Variants in BRWD3 observed in about 807,000 individuals in gnomAD.
BRWD3 encodes bromodomain and WD repeat-containing protein 3.
A neutral mutation model predicts 149.7 loss-of-function variants in BRWD3; 10 were observed. That is an observed-to-expected ratio of 0.07 (90% confidence interval 0.04 to 0.11). The LOEUF (loss-of-function observed/expected upper bound fraction) is 0.11, where lower values mean the gene tolerates loss of function less well. Ranked by LOEUF, BRWD3 falls within the 10% of genes least tolerant of loss-of-function variation. The pLI is 1.00. For synonymous variants in BRWD3, 504 were observed against 456.7 expected (o/e 1.10, Z -1.32); for missense variants, 940 against 1,373.2 (o/e 0.68, Z 4.99).
At chrX:80,745,257 A>T (rs946610797) in intron 7 of BRWD3, among the ~76,000 whole-genome samples, 2 of 111,766 alleles carry the variant, frequency 1.8e-5, no homozygotes, top group African/African-American at 6.5e-5. Flanking sequence ...CAAACATTTA[A>T]TAAATGTTTG....
chrX:80,677,262 C>T lies in BRWD3; in HGVS notation c.4756G>A (p.Gly1586Arg). ...TCTTTTTTCTCTTTATCTTCTCCTCCCATGTTTTCATCTTCTTCTGATGCA... is the reference window on the plus strand; with the variant it reads ...TCTTTTTTCTCTTTATCTTCTCCTCTCATGTTTTCATCTTCTTCTGATGCA... Reference protein sequence around the residue: ...LSASEEDENMGGEDKEKKETK... With the variant: ...LSASEEDENMRGEDKEKKETK... The change falls in exon 41 of 41, where the codon GGA becomes AGA. Residue 1586 changes from glycine to arginine, a missense_variant. Physicochemically the swap from Gly to Arg is moderately radical, Grantham distance 125. Transcript: ENST00000373275. The T allele has an allele frequency of 8.3e-7, 1 of 1,210,234 alleles. No individual in the cohort carries two copies. The highest frequency in any genetic ancestry group is 1.7e-5 in the African/African-American group (1 of 57,604).
At chrX:80,798,625 GA>G (rs200157039) in intron 4 of BRWD3, among the ~76,000 whole-genome samples, 13,425 of 100,082 alleles carry the variant, frequency 0.13, 749 homozygotes, top group South Asian at 0.42. Context: ...ATAATACGGG[GA>G]AAAAAAAAAA....
chrX:80,771,743 T>A (rs1292036657), intron 6 of BRWD3, among the ~76,000 whole-genome samples: 1 of 111,304 alleles, frequency 9.0e-6, no homozygotes, highest in African/African-American at 3.3e-5. Flanking sequence ...ATATCCAGAA[T>A]CAACAAAGAA....
At chrX:80,720,639 T>C (rs1294964250) in intron 17 of BRWD3, among the ~76,000 whole-genome samples, 2 of 111,600 alleles carry the variant, frequency 1.8e-5, no homozygotes, top group African/African-American at 6.5e-5. Context: ...AAGAAAAATA[T>C]TGTTTATATA....
chrX:80,774,139 C>T (rs1227612431), intron 6 of BRWD3, among the ~76,000 whole-genome samples: 1 of 112,010 alleles, frequency 8.9e-6, no homozygotes, highest in African/African-American at 3.2e-5. Context: ...TACAAGATAT[C>T]ATTTCTGATT....
intron 34 of BRWD3, among the ~76,000 whole-genome samples, chrX:80,687,610 C>T (rs751925765): frequency 1.8e-5 from 2 of 111,147 alleles, no homozygotes; most frequent in African/African-American, 6.5e-5. Flanking sequence ...ATTTGAATGG[C>T]TTCCTAAATT....
intron 20 of BRWD3, among the ~76,000 whole-genome samples, chrX:80,713,295 T>C (rs1041779102): frequency 5.4e-5 from 6 of 111,925 alleles, no homozygotes; most frequent in African/African-American, 2.0e-4. Flanking sequence ...GGTTGCTGTG[T>C]CTGTGTAGAA....
chrX:80,719,090 G>T, intron 18 of BRWD3, among the ~76,000 whole-genome samples: 1 of 109,564 alleles, frequency 9.1e-6, no homozygotes, highest in Admixed American at 9.8e-5. Context: ...AGAAGAGCAT[G>T]GTATTCTGCT....
chrX:80,682,867 T>G (rs1194008857), intron 37 of BRWD3, among the ~76,000 whole-genome samples: 1 of 111,739 alleles, frequency 8.9e-6, no homozygotes, highest in Non-Finnish European at 1.9e-5. Flanking sequence ...CAAGAGAGAA[T>G]GTAAACTGAA....
chrX:80,777,555 G>C (rs1436750235), intron 6 of BRWD3, among the ~76,000 whole-genome samples: 1 of 109,878 alleles, frequency 9.1e-6, no homozygotes, highest in Non-Finnish European at 1.9e-5. Context: ...ACCACACCTG[G>C]CTAATTTTTT....
chrX:80,733,799 GTTAAT>G (rs1427751133), intron 11 of BRWD3, among the ~76,000 whole-genome samples: 2 of 110,934 alleles, frequency 1.8e-5, no homozygotes, highest in African/African-American at 6.5e-5. Context: ...CCTTAAAATA[GTTAAT>G]TTAATAGTAG....
At chrX:80,696,668 C>T in intron 26 of BRWD3, 71 bp downstream of exon 26, 2 of 1,131,133 alleles carry the variant, frequency 1.8e-6, no homozygotes, top group East Asian at 3.0e-5. Flanking sequence ...CCATTGAGCA[C>T]TGTACTCTAA....
chrX:80,809,031 C>G lies in BRWD3; in HGVS notation c.102G>C (p.Gln34His). Residue 34 changes from glutamine (Q) to histidine (H), a missense_variant, in exon 3 of 41, where the codon CAG (glutamine) becomes CAC (histidine). Coordinates refer to ENST00000373275, the MANE Select transcript of BRWD3 (RefSeq NM_153252.5). ...TCCGTACCTGATGCTCCTCGAGCTC[C>G]TGCACTAGCACCTGAGCAAAAGGGA... is the stretch of plus-strand genomic sequence containing the variant. Reference protein sequence around the residue: ...PCNKSAQVLVQELEEHQLIPR... With the variant: ...PCNKSAQVLVHELEEHQLIPR... 8.4e-7 allele frequency: 1 copy of G among 1,195,286 alleles called. No homozygotes were observed. Among genetic ancestry groups the G allele is most frequent in the Non-Finnish European group, 1.1e-6 (1 of 886,834 alleles).
intron 6 of BRWD3, 46 bp downstream of exon 6, chrX:80,791,808 G>A (rs1482670036): frequency 2.0e-6 from 2 of 990,093 alleles, no homozygotes; most frequent in Non-Finnish European, 2.9e-6. Context: ...AGTTCAGGAA[G>A]GAAAGAATCA....
chrX:80,749,375 A>C (rs912167544), intron 6 of BRWD3, among the ~76,000 whole-genome samples: 2 of 111,353 alleles, frequency 1.8e-5, no homozygotes, highest in Non-Finnish European at 3.8e-5. Context: ...TAGGTGCTCC[A>C]ATGTTGGGTG....
At position 80,735,976 on chromosome X, in the gene BRWD3, T is replaced by G. The variant is rs1439916173; in HGVS notation, c.914+12A>C. 2 of 1,171,044 alleles carry G rather than the reference T, an allele frequency of 1.7e-6. No homozygotes were observed. The highest frequency in any genetic ancestry group is 3.7e-5 in the South Asian group (2 of 54,227). On this transcript the variant is annotated intron_variant, in intron 9 of 40. Coordinates refer to ENST00000373275, the MANE Select transcript of BRWD3 (RefSeq NM_153252.5). Reference sequence around the variant, plus strand: ...TAACATGCTTAATTTTTCACAAAATTTCTAAACTTACCTAAACTTCATTGT... The same window carrying G: ...TAACATGCTTAATTTTTCACAAAATGTCTAAACTTACCTAAACTTCATTGT...
In BRWD3 at chrX:80,673,148, G is replaced by A. The variant is rs1281154278; in HGVS notation, c.*3461C>T. 1 of 111,917 alleles carries A rather than the reference G, an allele frequency of 8.9e-6. No homozygotes were observed. Among genetic ancestry groups the A allele is most frequent in the East Asian group, 2.8e-4 (1 of 3,562 alleles). 9.2% of individuals were successfully genotyped at this position (111,917 alleles called of 1,213,427 possible). On this transcript the variant is annotated 3_prime_UTR_variant, in exon 41 of 41. Coordinates refer to ENST00000373275, the MANE Select transcript of BRWD3 (RefSeq NM_153252.5). ...GTACTTAAAAGTATTAGAAGGCTGA[G>A]TTAAATATCTGAGCGCACAGTTGTG...
chrX:80,786,978 GAA>G (rs1481571389), intron 6 of BRWD3, among the ~76,000 whole-genome samples: 1 of 107,907 alleles, frequency 9.3e-6, no homozygotes, highest in East Asian at 2.9e-4. Flanking sequence ...AATCTCAAGG[GAA>G]AAAAGTCATT....
Position 80,704,700 on chromosome X carries a change from T to C in BRWD3, c.2699A>G (p.Lys900Arg), listed in dbSNP as rs1467326545. 6 of 1,211,387 alleles carry C rather than the reference T, an allele frequency of 5.0e-6. No individual in the cohort carries two copies. In the Admixed American group the frequency reaches 1.3e-4, roughly 26 times the overall value. Residue 900 changes from lysine (K) to arginine (R), a missense_variant, in exon 23 of 41, where the codon AAA (lysine) becomes AGA (arginine). Transcript: ENST00000373275. ...AACCTTCTTTCTAGTCTGCTTAGGT[T>C]TCTTCTGCCTTTCTTCTAGGGACTT... ...NLKSLEERQK[K>R]PKQTRKKKGG... is the part of the protein sequence containing the mutation.
Sources: allele counts gnomAD v4.1 joint callset (sites outside exome capture counted in the v4.1 genomes callset), GRCh38; gene constraint gnomAD v4.1.1; transcripts MANE v1.5; gene names NCBI Gene and HGNC (gene_info 2026-07-23, HGNC 2026-07-21).